The following DYNLT2B variants were observed in gnomAD, a reference collection of about 807,000 sequenced individuals.
DYNLT2B encodes the protein dynein light chain Tctex-type 2B.
A neutral mutation model predicts 19.5 loss-of-function variants in DYNLT2B; 14 were observed. The observed-to-expected ratio is 0.72, with a 90% confidence interval of 0.47 to 1.12. The LOEUF is 1.12. Ranked by LOEUF, DYNLT2B falls within the 50% of genes most tolerant of loss-of-function variation. The probability of loss-of-function intolerance (pLI) is 0.00; values close to 1 mark genes in which losing one functional copy is unlikely to be tolerated. For synonymous variants in DYNLT2B, 70 were observed against 59.7 expected, an observed-to-expected ratio of 1.17 and a Z score of -0.79; for missense variants, 133 against 174.7, an observed-to-expected ratio of 0.76 and a Z score of 1.35.
At chr3:196,299,964 A>G (rs1275298019) in intron 3 of DYNLT2B, among the ~76,000 whole-genome samples, 1 of 152,152 alleles carries the variant, frequency 6.6e-6, no homozygotes, top group African/African-American at 2.4e-5. Context: ...AGTAACTAGT[A>G]TGACTAAATC....
intron 3 of DYNLT2B, among the ~76,000 whole-genome samples, chr3:196,305,050 T>C (rs1726451419): frequency 6.6e-6 from 1 of 151,766 alleles, no homozygotes; most frequent in African/African-American, 2.4e-5. Context: ...GCCCGGCTAA[T>C]TTTTGTATTT....
intron 2 of DYNLT2B, among the ~76,000 whole-genome samples, chr3:196,311,672 T>C (rs1726647430): frequency 6.6e-6 from 1 of 151,000 alleles, no homozygotes. Flanking sequence ...TTTATTTATT[T>C]ATTTATTTAT....
chr3:196,317,144 AT>A (rs1174125788), intron 1 of DYNLT2B, among the ~76,000 whole-genome samples: 25 of 68,372 alleles, frequency 3.7e-4, no homozygotes, highest in Admixed American at 8.0e-4. Context: ...TGAGCCTGAC[AT>A]TTTTTTTCAG....
chr3:196,308,557 T>C (rs2108795310), intron 2 of DYNLT2B, among the ~76,000 whole-genome samples: 1 of 152,354 alleles, frequency 6.6e-6, no homozygotes, highest in South Asian at 2.1e-4. Flanking sequence ...TGAATCTTTC[T>C]ACTTTTTTGA....
chr3:196,307,283 G>T (rs1363584343), intron 2 of DYNLT2B, among the ~76,000 whole-genome samples: 3 of 152,078 alleles, frequency 2.0e-5, no homozygotes, highest in Non-Finnish European at 4.4e-5. Flanking sequence ...ATAAGGTTAG[G>T]TAAGATATAG....
At chr3:196,316,547 T>C (rs1036923260) in intron 1 of DYNLT2B, among the ~76,000 whole-genome samples, 23 of 151,970 alleles carry the variant, frequency 1.5e-4, no homozygotes, top group African/African-American at 5.1e-4. Context: ...GTTAATTTTG[T>C]TCTGCACGCT....
chr3:196,292,557 C>G (rs1437015048), intron 4 of DYNLT2B: 1 of 152,176 alleles, frequency 6.6e-6, no homozygotes, highest in African/African-American at 2.4e-5. Flanking sequence ...AATACAGCCC[C>G]AATTTTTTTC....
intron 1 of DYNLT2B, 27 bp downstream of exon 1, chr3:196,318,013 C>T (rs772873384): frequency 3.5e-6 from 5 of 1,415,986 alleles, no homozygotes; most frequent in East Asian, 2.9e-5. Context: ...CTCGAGGTCG[C>T]CCCGCCACAG....
chr3:196,291,549 G>A lies in DYNLT2B; in HGVS notation c.382-175C>T, dbSNP rs1439210130. ...GCTGGAGTGCAGTGGTGTGATCTCA[G>A]CTCACTGCAGCCTCGACCTCCTACA... is the stretch of plus-strand genomic sequence containing the variant. On this transcript the variant is annotated intron_variant, in intron 4 of 4. Coordinates refer to ENST00000325318, the MANE Select transcript of DYNLT2B (RefSeq NM_152773.5). Among the ~76,000 whole-genome samples, 3 of 152,180 alleles carry A rather than the reference G, an allele frequency of 2.0e-5. No homozygotes were observed. In the East Asian group the frequency reaches 5.8e-4, roughly 29 times the overall value.
chr3:196,306,707 C>T (rs1053889181), intron 3 of DYNLT2B, among the ~76,000 whole-genome samples: 3 of 152,060 alleles, frequency 2.0e-5, no homozygotes, highest in Admixed American at 1.3e-4. Flanking sequence ...CGCCATCACA[C>T]CCGGCTAATT....
chr3:196,304,202 A>G (rs1012466695), intron 3 of DYNLT2B, among the ~76,000 whole-genome samples: 5 of 151,696 alleles, frequency 3.3e-5, no homozygotes, highest in Non-Finnish European at 7.4e-5. Context: ...GCGTGATCTC[A>G]GCTCACTGCA....
chr3:196,317,175 GTGTGTGT>G (rs1452860663), intron 1 of DYNLT2B, among the ~76,000 whole-genome samples: 6 of 113,998 alleles, frequency 5.3e-5, no homozygotes, highest in Non-Finnish European at 5.4e-5. Flanking sequence ...GTGTGTGTGT[GTGTGTGT>G]TGTGTGTGTG....
intron 3 of DYNLT2B, among the ~76,000 whole-genome samples, chr3:196,306,265 A>G (rs1726483444): frequency 7.0e-6 from 1 of 141,866 alleles, no homozygotes; most frequent in South Asian, 2.3e-4. Flanking sequence ...AAAAAAAAAA[A>G]GAAAGAAAGA....
intron 3 of DYNLT2B, among the ~76,000 whole-genome samples, chr3:196,302,948 G>C (rs555780170): frequency 2.9e-4 from 44 of 151,522 alleles, no homozygotes; most frequent in Non-Finnish European, 6.0e-4. Flanking sequence ...CTTGCCGGGG[G>C]ACTAGACTAA....
intron 2 of DYNLT2B, among the ~76,000 whole-genome samples, chr3:196,315,797 G>A (rs1249086089): frequency 2.0e-5 from 3 of 152,196 alleles, no homozygotes; most frequent in Middle Eastern, 3.4e-3. Context: ...ACTTGAACCC[G>A]GGAGGCGGAG....
chr3:196,311,034 C>T (rs1726626344), intron 2 of DYNLT2B, among the ~76,000 whole-genome samples: 8 of 152,052 alleles, frequency 5.3e-5, no homozygotes, highest in Admixed American at 1.3e-4. Context: ...CGGCACCCAG[C>T]CTCAATCAGG....
intron 3 of DYNLT2B, among the ~76,000 whole-genome samples, chr3:196,305,364 T>A (rs146573541): frequency 3.3e-5 from 5 of 152,294 alleles, no homozygotes; most frequent in African/African-American, 1.2e-4. Context: ...TAGATCTAAC[T>A]ACTTATTTTC....
At chr3:196,303,944 G>T (rs890060974) in intron 3 of DYNLT2B, among the ~76,000 whole-genome samples, 1 of 152,136 alleles carries the variant, frequency 6.6e-6, no homozygotes, top group African/African-American at 2.4e-5. Context: ...GACTGGTTAA[G>T]CCCAAGAGGT....
intron 2 of DYNLT2B, among the ~76,000 whole-genome samples, chr3:196,307,465 G>A (rs1726518505): frequency 6.6e-6 from 1 of 151,952 alleles, no homozygotes; most frequent in Non-Finnish European, 1.5e-5. Context: ...ACCACACCTG[G>A]CTAATTTTTG....
Sources: gnomAD v4.1 joint callset for allele counts (sites outside exome capture counted in the v4.1 genomes callset) on GRCh38, gnomAD v4.1.1 for gene constraint, MANE v1.5 for transcripts, NCBI Gene and HGNC (gene_info 2026-07-23, HGNC 2026-07-21) for gene names.